PPFIA2: variants seen among roughly 807,000 people sequenced by gnomAD.
The protein encoded by PPFIA2 is liprin-alpha-2.
In PPFIA2, 46 loss-of-function variants were observed where a neutral mutation model predicts 175.5. That is an observed-to-expected ratio of 0.26 (90% confidence interval 0.21 to 0.34). The LOEUF is 0.34. PPFIA2 is among the 10% of genes least tolerant of loss of function. The pLI is 1.00. For synonymous variants in PPFIA2, 568 were observed against 511.4 expected (o/e 1.11, Z -1.49); for missense variants, 1,179 against 1,506.1 (o/e 0.78, Z 3.60).
intron 8 of PPFIA2, among the ~76,000 whole-genome samples, chr12:81,401,021 T>C (rs1453174913): frequency 6.6e-6 from 1 of 152,182 alleles, no homozygotes; most frequent in Non-Finnish European, 1.5e-5. Flanking sequence ...TGGTACTTTT[T>C]CAGGCATCAG....
intron 4 of PPFIA2, chr12:81,598,358 G>T: frequency 9.0e-7 from 1 of 1,111,518 alleles, no homozygotes; most frequent in Non-Finnish European, 1.1e-6. Context: ...CTGTGGACCT[G>T]CCCATCTGTT....
intron 8 of PPFIA2, among the ~76,000 whole-genome samples, chr12:81,390,811 T>TC (rs2039977736): frequency 6.6e-6 from 1 of 151,834 alleles, no homozygotes; most frequent in African/African-American, 2.4e-5. Flanking sequence ...CATTTTTTTT[T>TC]CTTTGTGGCT....
At chr12:81,497,778 A>G (rs2060189310) in intron 4 of PPFIA2, among the ~76,000 whole-genome samples, 1 of 152,070 alleles carries the variant, frequency 6.6e-6, no homozygotes, top group Admixed American at 6.5e-5. Flanking sequence ...ACCTCAGGTG[A>G]TCTGCCTGCC....
At chr12:81,714,612 A>G (rs2078353568) in intron 3 of PPFIA2, among the ~76,000 whole-genome samples, 1 of 151,214 alleles carries the variant, frequency 6.6e-6, no homozygotes, top group Non-Finnish European at 1.5e-5. Flanking sequence ...AAGAAAAGGC[A>G]GAAGACCAGC....
chr12:81,267,628 C>T (rs2037663394), intron 29 of PPFIA2, among the ~76,000 whole-genome samples: 1 of 152,002 alleles, frequency 6.6e-6, no homozygotes, highest in Non-Finnish European at 1.5e-5. Context: ...GAGGCAGAGA[C>T]TGATGGCCAT....
chr12:81,284,042 A>T (rs2137126625), intron 25 of PPFIA2, among the ~76,000 whole-genome samples, 199 bp downstream of exon 25: 1 of 152,310 alleles, frequency 6.6e-6, no homozygotes, highest in East Asian at 1.9e-4. Context: ...TTATGATATT[A>T]GCCACAATCT....
intron 4 of PPFIA2, among the ~76,000 whole-genome samples, chr12:81,511,799 C>A (rs2061829717): frequency 6.6e-6 from 1 of 151,902 alleles, no homozygotes; most frequent in Non-Finnish European, 1.5e-5. Flanking sequence ...ATTTCCAAGT[C>A]CTGAGCTGAT....
chr12:81,311,626 G>A (rs902112880), intron 22 of PPFIA2, among the ~76,000 whole-genome samples: 19 of 151,522 alleles, frequency 1.3e-4, no homozygotes, highest in African/African-American at 4.4e-4. Context: ...CCAGCTACTC[G>A]GGAGGCTGAG....
At chr12:81,542,601 G>T (rs1180405807) in intron 4 of PPFIA2, among the ~76,000 whole-genome samples, 1 of 152,084 alleles carries the variant, frequency 6.6e-6, no homozygotes, top group East Asian at 1.9e-4. Flanking sequence ...TAACCTTAAA[G>T]TTTCCCTCAG....
chr12:81,469,976 C>A (rs1232516332), intron 4 of PPFIA2, among the ~76,000 whole-genome samples: 1 of 152,190 alleles, frequency 6.6e-6, no homozygotes, highest in Non-Finnish European at 1.5e-5. Context: ...CAGAACCCAT[C>A]CATGCTGAAA....
chr12:81,628,518 T>A lies in PPFIA2; in HGVS notation c.303+48273A>T, dbSNP rs7311492. Among the ~76,000 whole-genome samples the A allele has an allele frequency of 2.0e-5, 3 of 151,718 alleles. 1 individual carries two copies. In the East Asian group the frequency reaches 5.9e-4, roughly 30 times the overall value. ...CAGCCTCCTAAGTAGCTGGGACTAC[T>A]GGCATGCACCACCATGTCTGGCTGA... On this transcript the variant is annotated intron_variant, in intron 4 of 32. Coordinates refer to ENST00000549396, the MANE Select transcript of PPFIA2 (RefSeq NM_003625.5).
At chr12:81,314,510 T>G (rs116568254) in intron 22 of PPFIA2, among the ~76,000 whole-genome samples, 87 of 152,010 alleles carry the variant, frequency 5.7e-4, no homozygotes, top group African/African-American at 2.1e-3. Context: ...CAGATCCAAT[T>G]ATTGACATTA....
chr12:81,363,831 G>T (rs2032007155), intron 14 of PPFIA2, among the ~76,000 whole-genome samples: 2 of 151,764 alleles, frequency 1.3e-5, no homozygotes, highest in Admixed American at 1.3e-4. Context: ...AAACTAATGT[G>T]TTGCTTTAAA....
intron 4 of PPFIA2, among the ~76,000 whole-genome samples, chr12:81,587,976 T>C (rs1206519594): frequency 1.3e-5 from 2 of 152,046 alleles, no homozygotes; most frequent in South Asian, 4.1e-4. Flanking sequence ...ACAGGCATTA[T>C]GCTAGGTGTC....
At chr12:81,426,753 TTTC>T (rs1419983358) in intron 7 of PPFIA2, among the ~76,000 whole-genome samples, 10 of 152,114 alleles carry the variant, frequency 6.6e-5, no homozygotes, top group Admixed American at 2.0e-4. Flanking sequence ...GCTATTGCAC[TTTC>T]TTGTTAAAAA....
intron 4 of PPFIA2, among the ~76,000 whole-genome samples, chr12:81,631,423 T>A (rs1185716739): frequency 6.6e-6 from 1 of 152,174 alleles, no homozygotes; most frequent in Non-Finnish European, 1.5e-5. Flanking sequence ...AAATTAATTT[T>A]TTTGAGCCCA....
intron 4 of PPFIA2, among the ~76,000 whole-genome samples, chr12:81,587,076 G>A (rs556418618): frequency 6.6e-6 from 1 of 151,956 alleles, no homozygotes; most frequent in Non-Finnish European, 1.5e-5. Flanking sequence ...CTTGCTTATA[G>A]TCACACTCTA....
At chr12:81,513,644 A>G (rs1261290646) in intron 4 of PPFIA2, among the ~76,000 whole-genome samples, 1 of 152,002 alleles carries the variant, frequency 6.6e-6, no homozygotes, top group Non-Finnish European at 1.5e-5. Context: ...TGTTCACCAT[A>G]CTAAGAAATT....
chr12:81,443,266 C>CTTTT (rs750236285), intron 6 of PPFIA2, among the ~76,000 whole-genome samples: 74 of 152,048 alleles, frequency 4.9e-4, no homozygotes, highest in Non-Finnish European at 7.8e-4. Context: ...GTAATTGATG[C>CTTTT]TTTGAGAATG....
Sources: gnomAD v4.1 joint callset for allele counts (sites outside exome capture counted in the v4.1 genomes callset) on GRCh38, gnomAD v4.1.1 for gene constraint, MANE v1.5 for transcripts, NCBI Gene and HGNC (gene_info 2026-07-23, HGNC 2026-07-21) for gene names.